SOX6: variants seen among roughly 807,000 people sequenced by gnomAD.
SOX6 encodes transcription factor SOX-6.
SOX6 carries 11 observed loss-of-function variants against 97.8 expected under a neutral mutation model. That is an observed-to-expected ratio of 0.11 (90% CI 0.07 to 0.19). The LOEUF is 0.19. Among genes scored for constraint, SOX6 ranks in the 10% least tolerant of loss-of-function variants. SOX6 has a pLI of 1.00. For synonymous variants in SOX6, 360 were observed against 371.4 expected, an observed-to-expected ratio of 0.97 and a Z score of 0.35; for missense variants, 810 against 1,039.5, an observed-to-expected ratio of 0.78 and a Z score of 3.04.
At chr11:16,329,135 A>C (rs1252934746) in intron 2 of SOX6, among the ~76,000 whole-genome samples, 4 of 152,158 alleles carry the variant, frequency 2.6e-5, no homozygotes, top group African/African-American at 9.7e-5. Flanking sequence ...ATGTGTCAGA[A>C]AATAGATTTG....
chr11:16,248,904 T>A (rs1829419), intron 3 of SOX6, among the ~76,000 whole-genome samples: 2 of 151,954 alleles, frequency 1.3e-5, no homozygotes, highest in Admixed American at 1.3e-4. Flanking sequence ...GAGACAATCC[T>A]GGCTAACACG....
rs1019882653 is a variant in SOX6, at chr11:16,341,192, T to C, written c.57A>G (p.Ala19=). ...PFACAADGED[A]MTQDLTSREK... ...CCCTTGAGGTTAAATCCTGGGTCAT[T>C]GCATCCTCTCCATCAGCTGCACAGG... The change falls in exon 2 of 16, where the codon GCA becomes GCG. Residue 19 remains alanine (A), a synonymous_variant. Transcript: ENST00000683767. The C allele has an allele frequency of 6.2e-7, 1 of 1,613,526 alleles. No individual in the cohort carries two copies. The highest frequency in any genetic ancestry group is 1.7e-5 in the Admixed American group (1 of 59,944).
chr11:16,542,502 GACAA>G (rs547703604), intron 4 of SOX6, among the ~76,000 whole-genome samples: 2 of 152,034 alleles, frequency 1.3e-5, no homozygotes, highest in South Asian at 4.1e-4. Context: ...ATCATGACTT[GACAA>G]ACAAATTTCT....
chr11:16,284,735 G>A (rs142302322), intron 3 of SOX6, among the ~76,000 whole-genome samples: 225 of 152,188 alleles, frequency 1.5e-3, no homozygotes, highest in African/African-American at 4.8e-3. Flanking sequence ...AGAAACCCAC[G>A]TATGTCAGTC....
chr11:16,057,631 T>C (rs1395097268), intron 9 of SOX6, among the ~76,000 whole-genome samples: 1 of 152,164 alleles, frequency 6.6e-6, no homozygotes, highest in East Asian at 1.9e-4. Flanking sequence ...GGTGTCCTTG[T>C]TTCCCGAGTA....
intron 12 of SOX6, among the ~76,000 whole-genome samples, chr11:16,030,152 G>A (rs569373193): frequency 5.3e-5 from 8 of 152,176 alleles, no homozygotes; most frequent in Admixed American, 2.6e-4. Context: ...AATGTGACAT[G>A]AAGGGGTGGA....
intron 1 of SOX6, among the ~76,000 whole-genome samples, chr11:16,364,540 C>A (rs1042149501): frequency 1.3e-5 from 2 of 152,034 alleles, no homozygotes; most frequent in African/African-American, 4.8e-5. Context: ...TGACATTGGG[C>A]AAAATCACTT....
intron 1 of SOX6, among the ~76,000 whole-genome samples, chr11:16,355,881 A>G (rs1857059241): frequency 6.6e-6 from 1 of 152,070 alleles, no homozygotes. Flanking sequence ...GGAAAACCAA[A>G]TCTGTTTTTA....
At chr11:15,991,689 T>C (rs1164651566) in intron 13 of SOX6, among the ~76,000 whole-genome samples, 3 of 152,230 alleles carry the variant, frequency 2.0e-5, no homozygotes, top group Non-Finnish European at 4.4e-5. Context: ...TCAGCTTCCA[T>C]TTATTTCTTC....
intron 1 of SOX6, among the ~76,000 whole-genome samples, chr11:16,457,111 A>G (rs143914234): frequency 2.6e-5 from 4 of 152,266 alleles, no homozygotes; most frequent in Admixed American, 2.0e-4. Flanking sequence ...CTTTCATTCA[A>G]TAGATATGCT....
chr11:16,481,132 T>C (rs1357802350), upstream of SOX6, among the ~76,000 whole-genome samples: 1 of 152,190 alleles, frequency 6.6e-6, no homozygotes, highest in Non-Finnish European at 1.5e-5. Flanking sequence ...AATTCTTCAC[T>C]GTTATTATCA....
chr11:16,608,179 G>T (rs565986770), intron 4 of SOX6, among the ~76,000 whole-genome samples: 1 of 152,152 alleles, frequency 6.6e-6, no homozygotes, highest in East Asian at 1.9e-4. Flanking sequence ...CAGGAGAAAG[G>T]CAAACTGTAG....
chr11:16,197,340 G>A lies in SOX6; in HGVS notation c.536-10385C>T, dbSNP rs75546566. 6.6e-3 allele frequency among the ~76,000 whole-genome samples: 1,000 copies of A among 152,172 alleles called. 6 individuals are homozygous for A. Among genetic ancestry groups the A allele is most frequent in the Admixed American group, 0.01 (160 of 15,280 alleles). On this transcript the variant is annotated intron_variant, in intron 4 of 15. Transcript: ENST00000683767. ...TACTGAGACTTTAATGAAAACAGGC[G>A]CTTAAAAAAACCTTCAATTCCAATG...
At chr11:15,980,625 CTT>C (rs545399228) in intron 15 of SOX6, among the ~76,000 whole-genome samples, 171 of 151,972 alleles carry the variant, frequency 1.1e-3, no homozygotes, top group African/African-American at 3.9e-3. Context: ...TAGGCTGCTT[CTT>C]TTTTTTACTA....
intron 4 of SOX6, chr11:16,484,637 C>A: frequency 1.5e-6 from 1 of 655,854 alleles, no homozygotes; most frequent in South Asian, 1.6e-5. Flanking sequence ...GATGGACATC[C>A]TGGCACCGTT....
chr11:16,072,759 C>T (rs1179360771), intron 9 of SOX6, among the ~76,000 whole-genome samples: 1 of 152,162 alleles, frequency 6.6e-6, no homozygotes, highest in Non-Finnish European at 1.5e-5. Flanking sequence ...TCAGCAGAAA[C>T]CCTACAAGCC....
chr11:16,411,371 A>G (rs554231909), intron 1 of SOX6, among the ~76,000 whole-genome samples: 1 of 152,280 alleles, frequency 6.6e-6, no homozygotes, highest in African/African-American at 2.4e-5. Context: ...TCAACACCCA[A>G]GGGACTTAAA....
chr11:16,546,524 C>G (rs1313426152), intron 4 of SOX6, among the ~76,000 whole-genome samples: 1 of 152,086 alleles, frequency 6.6e-6, no homozygotes, highest in Non-Finnish European at 1.5e-5. Flanking sequence ...AGGACACCCT[C>G]TTAAATAAAT....
intron 1 of SOX6, among the ~76,000 whole-genome samples, chr11:16,456,879 T>C (rs1341939820): frequency 6.6e-6 from 1 of 152,234 alleles, no homozygotes; most frequent in East Asian, 1.9e-4. Flanking sequence ...TCCAAATTAG[T>C]TTTGTGGGTA....
Sources: gnomAD v4.1 joint callset for allele counts (sites outside exome capture counted in the v4.1 genomes callset) on GRCh38, gnomAD v4.1.1 for gene constraint, MANE v1.5 for transcripts, NCBI Gene and HGNC (gene_info 2026-07-23, HGNC 2026-07-21) for gene names.